Variants in SFT2D2 observed in about 807,000 individuals in gnomAD.
SFT2D2 encodes the protein vesicle transport protein SFT2B.
In SFT2D2, 21 loss-of-function variants were observed where a neutral mutation model predicts 27.4. The observed-to-expected ratio is 0.77, with a 90% CI of 0.54 to 1.10. The LOEUF is 1.10. Among genes scored for constraint, SFT2D2 ranks in the 50% least tolerant of loss-of-function variants. The probability of loss-of-function intolerance (pLI) is 0.00; values close to 1 mark genes in which losing one functional copy is unlikely to be tolerated. For synonymous variants in SFT2D2, 72 were observed against 71.7 expected (o/e 1.00, Z -0.02); for missense variants, 187 against 194.2 (o/e 0.96, Z 0.22).
Position 168,244,192 on chromosome 1 carries a change from T to G in SFT2D2, c.*1652T>G, listed in dbSNP as rs115331882. On this transcript the variant is annotated 3_prime_UTR_variant, in exon 8 of 8. Coordinates refer to ENST00000271375, the MANE Select transcript of SFT2D2 (RefSeq NM_199344.3). ...CTGACTGGTTTTTTTTTTTTTTTCT[T>G]TTTGAGATGGAGTCTCACTCCGTCG... is the stretch of plus-strand genomic sequence containing the variant. The G allele has an allele frequency of 0.03, 4,537 of 152,428 alleles. 97 individuals carry two copies. The highest frequency in any genetic ancestry group is 0.081 in the Middle Eastern group (24 of 298). 9.4% of individuals were successfully genotyped at this position (152,428 alleles called of 1,614,324 possible).
At chr1:168,226,402 G>A (rs1406242111) in intron 1 of SFT2D2, among the ~76,000 whole-genome samples, 1 of 152,140 alleles carries the variant, frequency 6.6e-6, no homozygotes, top group Non-Finnish European at 1.5e-5. Flanking sequence ...CCCGGACTGA[G>A]CTGCGAGTGG....
At chr1:168,233,844 T>C (rs1647402763) in intron 3 of SFT2D2, among the ~76,000 whole-genome samples, 2 of 152,148 alleles carry the variant, frequency 1.3e-5, no homozygotes. Context: ...TTGCCTGTAG[T>C]CTGTTATGGT....
At chr1:168,236,203 G>A (rs758442764) in intron 4 of SFT2D2, among the ~76,000 whole-genome samples, 5 of 152,220 alleles carry the variant, frequency 3.3e-5, no homozygotes, top group Non-Finnish European at 5.9e-5. Flanking sequence ...GTTAACCTTT[G>A]TCCTCACATG....
At chr1:168,235,072 C>T (rs573769946) in intron 3 of SFT2D2, 29 bp from the exon 4 acceptor site, 33 of 1,606,464 alleles carry the variant, frequency 2.1e-5, no homozygotes, top group Admixed American at 1.3e-4. Context: ...CTGTTCTGAA[C>T]GGCTTGTGTG....
In SFT2D2 at chr1:168,242,556, A is replaced by T; in HGVS notation, c.*16A>T. On this transcript the variant is annotated 3_prime_UTR_variant, in exon 8 of 8. Transcript: ENST00000271375. ...TCTTGCATAATTCATGGCCAGTTTT[A>T]TGAAGCTTTGGAAGGCACTATGGAC... 2 of 1,614,152 alleles carry T rather than the reference A, an allele frequency of 1.2e-6. No individual in the cohort carries two copies. Among genetic ancestry groups the T allele is most frequent in the Non-Finnish European group, 1.7e-6 (2 of 1,180,016 alleles).
chr1:168,241,682 TGA>T lies in SFT2D2; in HGVS notation c.444-817_444-816del, dbSNP rs979778851. Among the ~76,000 whole-genome samples the T allele has an allele frequency of 6.9e-3, 1,051 of 152,310 alleles. 11 individuals carry two copies. Among genetic ancestry groups the T allele is most frequent in the African/African-American group, 0.022 (926 of 41,562 alleles). On this transcript the variant is annotated intron_variant, in intron 7 of 7. Coordinates refer to ENST00000271375, the MANE Select transcript of SFT2D2 (RefSeq NM_199344.3). ...ATGCTATGTGTATTGTGAGCTGCCATGAGGGGGACTTATGTGGCCATAAAACC... is the reference window on the plus strand; with the variant it reads ...ATGCTATGTGTATTGTGAGCTGCCATGGGGGACTTATGTGGCCATAAAACC...
chr1:168,252,072 T>C lies in SFT2D2; in HGVS notation c.*9532T>C, dbSNP rs1647964929. 6.6e-6 allele frequency: 1 copy of C among 152,232 alleles called. No homozygotes were observed. Among genetic ancestry groups the C allele is most frequent in the East Asian group, 1.9e-4 (1 of 5,192 alleles). 9.4% of individuals were successfully genotyped at this position (152,232 alleles called of 1,614,324 possible). A position where few individuals can be genotyped will look rare whatever the true frequency, so the allele number is the denominator to read the frequency against. ...CTGATACTTAAGCTTTACCCTTGGC[T>C]TACCAGTTTTCATTGCAGCGAGTAA... On this transcript the variant is annotated 3_prime_UTR_variant, in exon 8 of 8. Coordinates refer to ENST00000271375, the MANE Select transcript of SFT2D2 (RefSeq NM_199344.3).
Position 168,226,881 on chromosome 1 carries a change from G to T in SFT2D2, c.63+739G>T, listed in dbSNP as rs935178041. 2.5e-4 allele frequency among the ~76,000 whole-genome samples: 38 copies of T among 152,064 alleles called. No homozygotes were observed. In the East Asian group the frequency reaches 5.2e-3, roughly 21 times the overall value. The stretch of plus-strand genomic sequence containing the variant: ...GTCGCCCAGGCTGGAGTGCAGTGGC[G>T]CGATCTTGGCTCACTGCAGCCTCTG... On this transcript the variant is annotated intron_variant, in intron 1 of 7. Coordinates refer to ENST00000271375, the MANE Select transcript of SFT2D2 (RefSeq NM_199344.3).
rs1342668611 is a variant in SFT2D2 at position 168,248,069 on chromosome 1, C to A, written c.*5529C>A. The A allele has an allele frequency of 1.3e-5, 2 of 152,164 alleles. No homozygotes were observed. The highest frequency in any genetic ancestry group is 2.4e-5 in the African/African-American group (1 of 41,440). 9.4% of individuals were successfully genotyped at this position (152,164 alleles called of 1,614,324 possible). A position where few individuals can be genotyped will look rare whatever the true frequency, so the allele number is the denominator to read the frequency against. ...GTTCTATGTAGATTCTGGATCTTAG[C>A]CCTTTGTCAGATGGATAGATTGCAA... On this transcript the variant is annotated 3_prime_UTR_variant, in exon 8 of 8. Coordinates refer to ENST00000271375, the MANE Select transcript of SFT2D2 (RefSeq NM_199344.3).
At chr1:168,229,363 A>C (rs566514141) in intron 1 of SFT2D2, among the ~76,000 whole-genome samples, 2 of 152,314 alleles carry the variant, frequency 1.3e-5, no homozygotes, top group East Asian at 3.9e-4. Flanking sequence ...GTTATTTAGC[A>C]ATCTAGATGT....
At position 168,241,205 on chromosome 1, in the gene SFT2D2, CT is replaced by C. The variant is rs11387591; in HGVS notation, c.444-1276del. On this transcript the variant is annotated intron_variant, in intron 7 of 7. Coordinates refer to ENST00000271375, the MANE Select transcript of SFT2D2 (RefSeq NM_199344.3). ...CAGAGCTAGATCCCACCCTTCTATTCTTTTTTTTTTTTTTTTTTTTGAGATG... is the reference window on the plus strand; with the variant it reads ...CAGAGCTAGATCCCACCCTTCTATTCTTTTTTTTTTTTTTTTTTTGAGATG... 8.0e-4 allele frequency among the ~76,000 whole-genome samples: 80 copies of C among 100,148 alleles called. 1 individual carries two copies. The highest frequency in any genetic ancestry group is 6.0e-3 in the East Asian group (20 of 3,342). The allele number at this position is 100,148 out of a possible 152,430, so 65.7% of individuals were successfully genotyped here.
rs560839033 is a variant in SFT2D2 at position 168,251,773 on chromosome 1, TAA to T, written c.*9237_*9238del. On this transcript the variant is annotated 3_prime_UTR_variant, in exon 8 of 8. Coordinates refer to ENST00000271375, the MANE Select transcript of SFT2D2 (RefSeq NM_199344.3). ...GTAGTTTATTTGCAGACAGCATTTTTAAAAAGTGAATAGATGTTTAACTGAAG... is the reference window on the plus strand; with the variant it reads ...GTAGTTTATTTGCAGACAGCATTTTTAAAGTGAATAGATGTTTAACTGAAG... 7 of 152,150 alleles carry T rather than the reference TAA, an allele frequency of 4.6e-5. No homozygotes were observed. Among genetic ancestry groups the T allele is most frequent in the Non-Finnish European group, 7.4e-5 (5 of 68,026 alleles). 9.4% of individuals were successfully genotyped at this position (152,150 alleles called of 1,614,324 possible). A position where few individuals can be genotyped will look rare whatever the true frequency, so the allele number is the denominator to read the frequency against.
rs1647892895 is a variant in SFT2D2 at position 168,249,022 on chromosome 1, A to T, written c.*6482A>T. 1 of 147,464 alleles carries T rather than the reference A, an allele frequency of 6.8e-6. No homozygotes were observed. Among genetic ancestry groups the T allele is most frequent in the African/African-American group, 2.5e-5 (1 of 40,080 alleles). 9.1% of individuals were successfully genotyped at this position (147,464 alleles called of 1,614,324 possible). A position where few individuals can be genotyped will look rare whatever the true frequency, so the allele number is the denominator to read the frequency against. On this transcript the variant is annotated 3_prime_UTR_variant, in exon 8 of 8. Coordinates refer to ENST00000271375, the MANE Select transcript of SFT2D2 (RefSeq NM_199344.3). ...GGCTAGCAGTCTATCTATTTTGTTG[A>T]TCTTTTCAAAAAACCAGCTCCTGGA... is the stretch of plus-strand genomic sequence containing the variant.
At position 168,245,428 on chromosome 1, in the gene SFT2D2, A is replaced by G. The variant is rs1016074280; in HGVS notation, c.*2888A>G. On this transcript the variant is annotated 3_prime_UTR_variant, in exon 8 of 8. Transcript: ENST00000271375. ...GTGGATTATCTGTACACTGATAACT[A>G]AAAAGCATTGCTAAGAAAAATTAAG... The G allele has an allele frequency of 1.3e-5, 2 of 152,242 alleles. No homozygotes were observed. Among genetic ancestry groups the G allele is most frequent in the African/African-American group, 4.8e-5 (2 of 41,462 alleles). The allele number at this position is 152,242 out of a possible 1,614,324, so 9.4% of individuals were successfully genotyped here.
chr1:168,238,538 G>A (rs1210335191), intron 6 of SFT2D2, among the ~76,000 whole-genome samples: 4 of 151,824 alleles, frequency 2.6e-5, no homozygotes, highest in South Asian at 2.1e-4. Context: ...AAAATTAGCC[G>A]GGCATGGTGG....
In SFT2D2 at chr1:168,232,927, A is replaced by G. The variant is rs568344344; in HGVS notation, c.236+1008A>G. On this transcript the variant is annotated intron_variant, in intron 3 of 7. Transcript: ENST00000271375. ...GGCCTGTTATCACCCTTACCTGAGC[A>G]AGATGCATCTGCTTGGTCTCTCTGT... Among the ~76,000 whole-genome samples, 20 of 152,298 alleles carry G rather than the reference A, an allele frequency of 1.3e-4. 1 individual carries two copies. Among genetic ancestry groups the G allele is most frequent in the African/African-American group, 4.8e-4 (20 of 41,566 alleles).
intron 3 of SFT2D2, 51 bp downstream of exon 3, chr1:168,231,970 G>C: frequency 2.0e-6 from 3 of 1,525,132 alleles, no homozygotes. Context: ...ATGGGAAAAT[G>C]GATGTTGGTT....
Position 168,231,852 on chromosome 1 carries a change from G to T in SFT2D2, c.169G>T (p.Val57Leu). The T allele has an allele frequency of 6.2e-7, 1 of 1,614,110 alleles. No homozygotes were observed. ...CSLLGTVLLW[V>L]PRKGLHLFAV... The stretch of plus-strand genomic sequence containing the variant: ...ATTCCAGGGTACTGTTCTGCTGTGG[G>T]TGCCCAGGAAGGGACTACACCTCTT... Residue 57 changes from valine (V) to leucine (L), a missense_variant, in exon 3 of 8, where the codon GTG (valine) becomes TTG (leucine). Physicochemically the swap from Val to Leu is conservative, Grantham distance 32 (BLOSUM62 1). Coordinates refer to ENST00000271375, the MANE Select transcript of SFT2D2 (RefSeq NM_199344.3).
At chr1:168,238,157 C>A (rs1333876484) in intron 6 of SFT2D2, among the ~76,000 whole-genome samples, 1 of 152,112 alleles carries the variant, frequency 6.6e-6, no homozygotes, top group Non-Finnish European at 1.5e-5. Flanking sequence ...ATATGGTTTC[C>A]TTCTAAGTGA....
Sources: gnomAD v4.1 joint callset for allele counts (sites outside exome capture counted in the v4.1 genomes callset) on GRCh38, gnomAD v4.1.1 for gene constraint, MANE v1.5 for transcripts, NCBI Gene and HGNC (gene_info 2026-07-23, HGNC 2026-07-21) for gene names.